CSMD1: variants seen among roughly 807,000 people sequenced by gnomAD.
The protein encoded by CSMD1 is CUB and sushi domain-containing protein 1.
CSMD1 carries 213 observed loss-of-function variants against 417.5 expected under a neutral mutation model. The ratio of observed to expected loss-of-function variants is 0.51; its 90% CI spans 0.46 to 0.57. The LOEUF (loss-of-function observed/expected upper bound fraction) is 0.57. Ranked by LOEUF, CSMD1 falls within the 20% of genes least tolerant of loss-of-function variation. The pLI is 0.00. For synonymous variants in CSMD1, 2,862 were observed against 1,736.8 expected, an observed-to-expected ratio of 1.65 and a Z score of -16.11; for missense variants, 6,923 against 4,529.7, an observed-to-expected ratio of 1.53 and a Z score of -15.17.
At chr8:4,838,025 C>T (rs1800605111) in intron 1 of CSMD1, among the ~76,000 whole-genome samples, 1 of 152,126 alleles carries the variant, frequency 6.6e-6, no homozygotes, top group Admixed American at 6.5e-5. Flanking sequence ...GGCCCAGGAG[C>T]TAACTGCAGG....
intron 5 of CSMD1, among the ~76,000 whole-genome samples, chr8:3,882,536 G>T (rs145435247): frequency 2.6e-5 from 4 of 152,262 alleles, no homozygotes; most frequent in African/African-American, 9.6e-5. Context: ...CACTGTGAGT[G>T]GACGATCGCA....
intron 57 of CSMD1, 56 bp from the exon 58 acceptor site, chr8:2,966,802 G>C: frequency 6.5e-7 from 1 of 1,546,054 alleles, no homozygotes; most frequent in East Asian, 2.3e-5. Flanking sequence ...CATGAAAATG[G>C]CAAACACAAG....
intron 3 of CSMD1, among the ~76,000 whole-genome samples, chr8:4,202,583 A>G (rs1020402989): frequency 1.3e-5 from 2 of 152,216 alleles, no homozygotes; most frequent in African/African-American, 4.8e-5. Context: ...TTCATTCAAA[A>G]AAGGTTACTT....
intron 7 of CSMD1, among the ~76,000 whole-genome samples, chr8:3,661,774 G>A (rs1269768371): frequency 6.6e-6 from 1 of 152,152 alleles, no homozygotes; most frequent in Non-Finnish European, 1.5e-5. Context: ...TGGGGTGACA[G>A]GCCTGAGCCA....
intron 3 of CSMD1, among the ~76,000 whole-genome samples, chr8:4,201,957 G>A (rs897949613): frequency 6.6e-6 from 1 of 150,880 alleles, no homozygotes; most frequent in Non-Finnish European, 1.5e-5. Context: ...CAAAAACCCT[G>A]AGACAGAAAA....
chr8:3,974,616 A>G (rs1489720242), intron 5 of CSMD1, among the ~76,000 whole-genome samples: 2 of 152,068 alleles, frequency 1.3e-5, no homozygotes, highest in African/African-American at 4.8e-5. Flanking sequence ...TTTACTAAAC[A>G]TTCAGTAATT....
chr8:3,901,066 T>A (rs1807717482), intron 5 of CSMD1, among the ~76,000 whole-genome samples: 1 of 152,200 alleles, frequency 6.6e-6, no homozygotes, highest in South Asian at 2.1e-4. Context: ...GATTTTGTAG[T>A]AAAGAAATAA....
At chr8:3,585,626 A>G (rs749233574) in intron 9 of CSMD1, among the ~76,000 whole-genome samples, 11 of 152,220 alleles carry the variant, frequency 7.2e-5, no homozygotes, top group Non-Finnish European at 1.3e-4. Flanking sequence ...GATGATGACA[A>G]TAATGATGAA....
At chr8:4,788,081 G>A in intron 1 of CSMD1, 2 of 1,601,646 alleles carry the variant, frequency 1.2e-6, no homozygotes, top group East Asian at 2.2e-5. Flanking sequence ...AGAAAGTAGA[G>A]TTGCTTTTGA....
At chr8:4,874,308 AGTTT>A (rs919251805) in intron 1 of CSMD1, among the ~76,000 whole-genome samples, 1 of 151,858 alleles carries the variant, frequency 6.6e-6, no homozygotes, top group Non-Finnish European at 1.5e-5. Context: ...TTTATCAATT[AGTTT>A]ATTTTAATTT....
At chr8:3,460,924 T>G (rs749415568) in intron 12 of CSMD1, among the ~76,000 whole-genome samples, 1 of 152,110 alleles carries the variant, frequency 6.6e-6, no homozygotes, top group African/African-American at 2.4e-5. Flanking sequence ...GTCCCAAGAA[T>G]AGAAGGGCTA....
rs117648371 is a variant in CSMD1 at position 3,936,493 on chromosome 8, C to T, written c.818+61410G>A. Reference sequence around the variant, plus strand: ...TGAAGCCAGTGCTCATCTACCATTACAAAAATCCCAGGATCCTTAAGAATT... The same window carrying T: ...TGAAGCCAGTGCTCATCTACCATTATAAAAATCCCAGGATCCTTAAGAATT... On this transcript the variant is annotated intron_variant, in intron 5 of 69. Transcript: ENST00000635120. Among the ~76,000 whole-genome samples the T allele has an allele frequency of 3.5e-3, 531 of 152,286 alleles. 6 individuals carry two copies. Among genetic ancestry groups the T allele is most frequent in the Middle Eastern group, 6.8e-3 (2 of 292 alleles).
intron 50 of CSMD1, among the ~76,000 whole-genome samples, chr8:3,031,154 C>A (rs1810315014): frequency 6.6e-6 from 1 of 151,942 alleles, no homozygotes; most frequent in Non-Finnish European, 1.5e-5. Context: ...CTTTTAGCCT[C>A]ATAAATTTAT....
At chr8:4,936,939 G>A (rs1807659252) in intron 1 of CSMD1, among the ~76,000 whole-genome samples, 2 of 152,036 alleles carry the variant, frequency 1.3e-5, no homozygotes. Flanking sequence ...TGTCGGCTCT[G>A]GTGGCTCATA....
chr8:4,477,307 G>A (rs968630640), intron 2 of CSMD1, among the ~76,000 whole-genome samples: 1 of 152,146 alleles, frequency 6.6e-6, no homozygotes, highest in African/African-American at 2.4e-5. Flanking sequence ...CTCACCGTGG[G>A]GAAGCCGAGG....
intron 1 of CSMD1, among the ~76,000 whole-genome samples, chr8:4,835,370 G>T (rs112813393): frequency 2.6e-5 from 4 of 152,298 alleles, no homozygotes; most frequent in African/African-American, 9.6e-5. Context: ...AGATTCTGAG[G>T]TTAGTAATTT....
intron 3 of CSMD1, among the ~76,000 whole-genome samples, chr8:4,270,747 G>C (rs1804534748): frequency 6.6e-6 from 1 of 152,148 alleles, no homozygotes; most frequent in Non-Finnish European, 1.5e-5. Flanking sequence ...TTTGAGGACA[G>C]TGCTACTCAT....
chr8:4,136,966 T>C (rs907269832), intron 3 of CSMD1, among the ~76,000 whole-genome samples: 6 of 152,218 alleles, frequency 3.9e-5, no homozygotes, highest in Admixed American at 3.9e-4. Context: ...ATTCAGCCTA[T>C]ATCAATGAAA....
chr8:3,166,112 T>C lies in CSMD1; in HGVS notation c.5726-3835A>G, dbSNP rs535187112. 3.1e-4 allele frequency among the ~76,000 whole-genome samples: 47 copies of C among 152,258 alleles called. No homozygotes were observed. In the South Asian group the frequency reaches 9.5e-3, roughly 31 times the overall value. The stretch of plus-strand genomic sequence containing the variant: ...GTGGTGTTTGGTAATAAATATGAAC[T>C]GTGTAGAAGGTAAGCTTGAGTCTAT... On this transcript the variant is annotated intron_variant, in intron 37 of 69. Transcript: ENST00000635120.
Sources: gnomAD v4.1 joint callset for allele counts (sites outside exome capture counted in the v4.1 genomes callset) on GRCh38, gnomAD v4.1.1 for gene constraint, MANE v1.5 for transcripts, NCBI Gene and HGNC (gene_info 2026-07-23, HGNC 2026-07-21) for gene names.